ATP6V1C1: variants seen among roughly 807,000 people sequenced by gnomAD.
The protein encoded by ATP6V1C1 is ATPase H+ transporting V1 subunit C1.
In ATP6V1C1, 45 loss-of-function variants were observed where a neutral mutation model predicts 53.9. The ratio of observed to expected loss-of-function variants is 0.83; its 90% confidence interval spans 0.66 to 1.07. The LOEUF (loss-of-function observed/expected upper bound fraction) is 1.07, where lower values mean the gene tolerates loss of function less well. Among genes scored for constraint, ATP6V1C1 ranks in the 50% least tolerant of loss-of-function variants. The pLI is 0.00. For synonymous variants in ATP6V1C1, 153 were observed against 155.2 expected, an observed-to-expected ratio of 0.99 and a Z score of 0.11; for missense variants, 315 against 440.3, an observed-to-expected ratio of 0.72 and a Z score of 2.55.
rs1009839183 is a variant in ATP6V1C1, at chr8:103,070,788, A to G, written c.*2041A>G. 6.6e-6 allele frequency: 1 copy of G among 152,234 alleles called. No individual in the cohort carries two copies. Among genetic ancestry groups the G allele is most frequent in the East Asian group, 1.9e-4 (1 of 5,190 alleles). 9.4% of individuals were successfully genotyped at this position (152,234 alleles called of 1,614,324 possible). A position where few individuals can be genotyped will look rare whatever the true frequency, so the allele number is the denominator to read the frequency against. On this transcript the variant is annotated 3_prime_UTR_variant, in exon 13 of 13. Transcript: ENST00000518738. Reference sequence around the variant, plus strand: ...AGAAATTATAGCAGAGTGGCTGAGCATGTGCTCTGAGGCCAGGCCCCAGCT... The same window carrying G: ...AGAAATTATAGCAGAGTGGCTGAGCGTGTGCTCTGAGGCCAGGCCCCAGCT...
At chr8:103,037,062 T>TAA (rs3840702) in intron 1 of ATP6V1C1, among the ~76,000 whole-genome samples, 9 of 152,020 alleles carry the variant, frequency 5.9e-5, no homozygotes, top group Non-Finnish European at 1.0e-4. Flanking sequence ...CAGTTTGTGC[T>TAA]AAAAAAGCTA....
intron 8 of ATP6V1C1, among the ~76,000 whole-genome samples, chr8:103,059,041 T>C (rs1465187268): frequency 6.6e-6 from 1 of 151,976 alleles, no homozygotes; most frequent in Non-Finnish European, 1.5e-5. Flanking sequence ...GTCAGATCAC[T>C]GGTTAACTTT....
chr8:103,049,077 T>A, intron 4 of ATP6V1C1, 122 bp downstream of exon 4: 2 of 816,506 alleles, frequency 2.4e-6, no homozygotes, highest in South Asian at 1.8e-5. Flanking sequence ...AGAAAGCCAT[T>A]AAAATACAAT....
chr8:103,063,690 A>G (rs1278516060), intron 10 of ATP6V1C1, among the ~76,000 whole-genome samples: 4 of 152,110 alleles, frequency 2.6e-5, no homozygotes, highest in Non-Finnish European at 5.9e-5. Flanking sequence ...TATTTAAGCT[A>G]TTGGAGAATT....
intron 1 of ATP6V1C1, among the ~76,000 whole-genome samples, chr8:103,034,014 G>A (rs1400168319): frequency 6.6e-6 from 1 of 152,176 alleles, no homozygotes; most frequent in Non-Finnish European, 1.5e-5. Flanking sequence ...CATTCAGGTG[G>A]AAAATGTCTT....
chr8:103,049,831 C>G (rs2131394853), intron 4 of ATP6V1C1, among the ~76,000 whole-genome samples: 1 of 152,128 alleles, frequency 6.6e-6, no homozygotes, highest in Admixed American at 6.5e-5. Context: ...GTGGCATATG[C>G]CTGTAGTCTC....
chr8:103,051,632 T>C (rs981000688), intron 5 of ATP6V1C1, among the ~76,000 whole-genome samples: 2 of 152,146 alleles, frequency 1.3e-5, no homozygotes, highest in Non-Finnish European at 2.9e-5. Context: ...TAATTTTATG[T>C]AGTTTCAGGG....
At chr8:103,037,929 G>T (rs1816926142) in intron 1 of ATP6V1C1, among the ~76,000 whole-genome samples, 1 of 152,116 alleles carries the variant, frequency 6.6e-6, no homozygotes, top group Admixed American at 6.5e-5. Context: ...TTTTTCAGTT[G>T]TGGAAATAGA....
In ATP6V1C1 at chr8:103,048,901, G is replaced by A. The variant is rs753965845; in HGVS notation, c.232G>A (p.Asp78Asn). 6.2e-7 allele frequency: 1 copy of A among 1,613,326 alleles called. No homozygotes were observed. The highest frequency in any genetic ancestry group is 1.1e-5 in the South Asian group (1 of 91,044). Reference protein sequence around the residue: ...VVKKVAQYMADVLEDSKDKVQ... With the variant: ...VVKKVAQYMANVLEDSKDKVQ... ...TAAGAAAGTAGCTCAATACATGGCT[G>A]ATGTATTGGAAGATAGCAAAGACAA... The change falls in exon 4 of 13, where the codon GAT becomes AAT. Residue 78 changes from aspartate (D) to asparagine (N), a missense_variant. Physicochemically the swap from Asp to Asn is conservative, Grantham distance 23. Coordinates refer to ENST00000518738, the MANE Select transcript of ATP6V1C1 (RefSeq NM_001695.5).
chr8:103,028,798 A>C (rs1816742247), intron 1 of ATP6V1C1, among the ~76,000 whole-genome samples: 1 of 152,196 alleles, frequency 6.6e-6, no homozygotes. Flanking sequence ...TATGATTCCC[A>C]GTGAGGTAAA....
intron 8 of ATP6V1C1, among the ~76,000 whole-genome samples, chr8:103,062,296 G>A (rs149371334): frequency 0.082 from 11,865 of 145,092 alleles, 648 homozygotes; most frequent in Middle Eastern, 0.11. Context: ...TCAGCCTCCC[G>A]AGTAGCTAGG....
intron 8 of ATP6V1C1, among the ~76,000 whole-genome samples, chr8:103,059,187 G>GT (rs1817348310): frequency 6.6e-6 from 1 of 152,168 alleles, no homozygotes; most frequent in African/African-American, 2.4e-5. Flanking sequence ...ACTGGCCACT[G>GT]TCCAGAAGTT....
At chr8:103,066,961 A>G (rs1363992721) in intron 12 of ATP6V1C1, among the ~76,000 whole-genome samples, 1 of 151,900 alleles carries the variant, frequency 6.6e-6, no homozygotes, top group Non-Finnish European at 1.5e-5. Flanking sequence ...TAACATAGTA[A>G]GATCCCATCT....
At chr8:103,039,423 A>G (rs943912657) in intron 1 of ATP6V1C1, among the ~76,000 whole-genome samples, 1 of 152,236 alleles carries the variant, frequency 6.6e-6, no homozygotes, top group African/African-American at 2.4e-5. Context: ...ATTATTAACT[A>G]TAATACTTTA....
At position 103,053,900 on chromosome 8, in the gene ATP6V1C1, A is replaced by G. The variant is rs1471654417; in HGVS notation, c.490A>G (p.Arg164Gly). The G allele has an allele frequency of 5.6e-6, 9 of 1,611,372 alleles. No individual in the cohort carries two copies. Among genetic ancestry groups the G allele is most frequent in the Non-Finnish European group, 7.6e-6 (9 of 1,178,370 alleles). ...ERKNAGSLLT[R>G]SLAEIVKKDD... Reference sequence around the variant, plus strand: ...ATTCCTCAGAGGAAGTTTGCTAACTAGAAGTCTAGCAGAAATTGTGAAGAA... The same window carrying G: ...ATTCCTCAGAGGAAGTTTGCTAACTGGAAGTCTAGCAGAAATTGTGAAGAA... The change falls in exon 7 of 13, where the codon AGA (arginine) becomes GGA (glycine). Residue 164 changes from arginine (R) to glycine (G), a missense_variant. By Grantham distance (125) the Arg-to-Gly change is moderately radical. Transcript: ENST00000518738.
At chr8:103,025,903 C>A (rs1816685991) in intron 1 of ATP6V1C1, among the ~76,000 whole-genome samples, 1 of 152,116 alleles carries the variant, frequency 6.6e-6, no homozygotes, top group African/African-American at 2.4e-5. Context: ...GAATTTCAGG[C>A]CAAAATACAT....
At chr8:103,053,102 A>T (rs1563607149) in intron 6 of ATP6V1C1, among the ~76,000 whole-genome samples, 1 of 151,998 alleles carries the variant, frequency 6.6e-6, no homozygotes, top group Non-Finnish European at 1.5e-5. Context: ...TCACTGAAAA[A>T]TAGTCTAAAA....
At chr8:103,044,266 G>T (rs1817055894) in intron 3 of ATP6V1C1, among the ~76,000 whole-genome samples, 1 of 152,084 alleles carries the variant, frequency 6.6e-6, no homozygotes, top group Non-Finnish European at 1.5e-5. Flanking sequence ...TTCTTTTGTT[G>T]CTTGTGTTTT....
intron 10 of ATP6V1C1, 126 bp from the exon 11 acceptor site, chr8:103,064,588 A>G (rs1817456993): frequency 1.4e-6 from 1 of 697,644 alleles, no homozygotes; most frequent in Non-Finnish European, 2.3e-6. Context: ...TGAAACATGT[A>G]GAAAGTGAAT....
Sources: gnomAD v4.1 joint callset for allele counts (sites outside exome capture counted in the v4.1 genomes callset) on GRCh38, gnomAD v4.1.1 for gene constraint, MANE v1.5 for transcripts, NCBI Gene and HGNC (gene_info 2026-07-23, HGNC 2026-07-21) for gene names.